PTPRD: variants seen among roughly 807,000 people sequenced by gnomAD.
The protein encoded by PTPRD is protein tyrosine phosphatase receptor type D.
In PTPRD, 34 loss-of-function variants were observed where a neutral mutation model predicts 214.5. The observed-to-expected ratio is 0.16, with a 90% confidence interval of 0.12 to 0.21. PTPRD has a LOEUF of 0.21. PTPRD is among the 10% of genes least tolerant of loss of function. The pLI, the probability that PTPRD is intolerant of heterozygous loss-of-function variation, is 1.00. For synonymous variants in PTPRD, 1,128 were observed against 845.7 expected (o/e 1.33, Z -5.79); for missense variants, 2,545 against 2,398.7 (o/e 1.06, Z -1.27).
At chr9:9,699,819 T>G (rs996919005) in intron 7 of PTPRD, among the ~76,000 whole-genome samples, 1 of 152,136 alleles carries the variant, frequency 6.6e-6, no homozygotes, top group East Asian at 1.9e-4. Flanking sequence ...GAACAATTAG[T>G]CTGTCTAGAA....
intron 3 of PTPRD, among the ~76,000 whole-genome samples, chr9:10,056,724 C>A (rs924714798): frequency 6.6e-6 from 1 of 151,936 alleles, no homozygotes; most frequent in Non-Finnish European, 1.5e-5. Flanking sequence ...ACTTCTCTAC[C>A]GGGAGTCATT....
chr9:9,868,479 A>T (rs530919196), intron 5 of PTPRD, among the ~76,000 whole-genome samples: 2 of 152,232 alleles, frequency 1.3e-5, no homozygotes, highest in Non-Finnish European at 2.9e-5. Context: ...ATTTAAAGAC[A>T]TTGTAGTCAA....
chr9:10,279,686 T>C (rs77425431), intron 3 of PTPRD, among the ~76,000 whole-genome samples: 2 of 150,084 alleles, frequency 1.3e-5, no homozygotes, highest in Non-Finnish European at 2.9e-5. Flanking sequence ...TATGCTAGCT[T>C]ATGAGCATAC....
intron 10 of PTPRD, among the ~76,000 whole-genome samples, chr9:9,105,062 CTATT>C (rs1471903581): frequency 1.3e-5 from 2 of 152,140 alleles, no homozygotes; most frequent in African/African-American, 4.8e-5. Context: ...AATACATATC[CTATT>C]TATTTATGCA....
intron 8 of PTPRD, among the ~76,000 whole-genome samples, chr9:9,482,391 T>C (rs961491338): frequency 2.6e-5 from 4 of 152,216 alleles, no homozygotes; most frequent in African/African-American, 4.8e-5. Context: ...ATGAGCTTTA[T>C]TTTTTAAAGC....
chr9:9,874,083 A>G (rs1436567703), intron 5 of PTPRD, among the ~76,000 whole-genome samples: 1 of 152,148 alleles, frequency 6.6e-6, no homozygotes, highest in African/African-American at 2.4e-5. Context: ...ATTTTAAAGG[A>G]CCTTGCCCTT....
intron 8 of PTPRD, among the ~76,000 whole-genome samples, chr9:9,544,064 T>C (rs2078198807): frequency 6.6e-6 from 1 of 151,618 alleles, no homozygotes; most frequent in African/African-American, 2.4e-5. Flanking sequence ...TCTAAGCTAT[T>C]GCCCATATCT....
At chr9:9,020,083 T>C (rs1465784873) in intron 10 of PTPRD, among the ~76,000 whole-genome samples, 1 of 152,124 alleles carries the variant, frequency 6.6e-6, no homozygotes, top group Non-Finnish European at 1.5e-5. Flanking sequence ...GGGCCATAAA[T>C]AAACTTCTGG....
chr9:8,505,430 G>A (rs2097523468), intron 22 of PTPRD, among the ~76,000 whole-genome samples: 1 of 151,960 alleles, frequency 6.6e-6, no homozygotes, highest in African/African-American at 2.4e-5. Flanking sequence ...AGACCATCCT[G>A]GCTAACATGG....
At chr9:9,923,615 A>G (rs1162697121) in intron 5 of PTPRD, among the ~76,000 whole-genome samples, 1 of 151,982 alleles carries the variant, frequency 6.6e-6, no homozygotes, top group Non-Finnish European at 1.5e-5. Context: ...CAAGTCATCT[A>G]CAAACAAAAA....
At chr9:8,561,509 T>C (rs1564358840) in intron 14 of PTPRD, among the ~76,000 whole-genome samples, 1 of 152,044 alleles carries the variant, frequency 6.6e-6, no homozygotes, top group Non-Finnish European at 1.5e-5. Context: ...TGGGCTAGGG[T>C]GCACCCAGCT....
At chr9:9,495,265 C>T (rs1320777498) in intron 8 of PTPRD, among the ~76,000 whole-genome samples, 1 of 149,396 alleles carries the variant, frequency 6.7e-6, no homozygotes, top group Non-Finnish European at 1.5e-5. Flanking sequence ...CAGAGAAATT[C>T]TAGGCAGACA....
chr9:9,903,204 T>C (rs1479727411), intron 5 of PTPRD, among the ~76,000 whole-genome samples: 2 of 152,264 alleles, frequency 1.3e-5, no homozygotes, highest in Middle Eastern at 3.4e-3. Flanking sequence ...ATTGCATGCA[T>C]ATGAATGAAT....
intron 8 of PTPRD, among the ~76,000 whole-genome samples, chr9:9,538,301 A>C (rs1172744056): frequency 2.0e-5 from 3 of 151,982 alleles, no homozygotes; most frequent in Non-Finnish European, 4.4e-5. Context: ...GCACCAGTTA[A>C]AATTTTCAAA....
At chr9:8,693,581 C>T (rs1398338447) in intron 12 of PTPRD, among the ~76,000 whole-genome samples, 1 of 152,112 alleles carries the variant, frequency 6.6e-6, no homozygotes, top group African/African-American at 2.4e-5. Flanking sequence ...TCATATTCTA[C>T]GAGGGGTGTA....
chr9:10,093,277 G>C (rs183106483), intron 3 of PTPRD, among the ~76,000 whole-genome samples: 1 of 151,526 alleles, frequency 6.6e-6, no homozygotes, highest in African/African-American at 2.4e-5. Flanking sequence ...ATTAAAAAAT[G>C]AGTAAAAGAC....
chr9:10,177,304 G>T lies in PTPRD; in HGVS notation c.-544-143514C>A, dbSNP rs145716020. On this transcript the variant is annotated intron_variant, in intron 3 of 45. Transcript: ENST00000381196. Reference sequence around the variant, plus strand: ...TCAGGGAAGAGAATGATAAATTGAAGATGCCTAATAAATCCAGAGTGGCAC... The same window carrying T: ...TCAGGGAAGAGAATGATAAATTGAATATGCCTAATAAATCCAGAGTGGCAC... Among the ~76,000 whole-genome samples, 192 of 151,786 alleles carry T rather than the reference G, an allele frequency of 1.3e-3. No homozygotes were observed. The Middle Eastern group carries it at 0.037, about 30-fold the overall frequency.
chr9:10,093,907 T>C (rs888723429), intron 3 of PTPRD, among the ~76,000 whole-genome samples: 3 of 151,142 alleles, frequency 2.0e-5, no homozygotes, highest in Admixed American at 6.6e-5. Context: ...AATATAAAGA[T>C]AGGAACAGTA....
At chr9:10,258,406 G>A (rs1385069825) in intron 3 of PTPRD, among the ~76,000 whole-genome samples, 1 of 152,052 alleles carries the variant, frequency 6.6e-6, no homozygotes, top group African/African-American at 2.4e-5. Flanking sequence ...AGAGAACAGA[G>A]GAACATAGGC....
Sources: allele counts gnomAD v4.1 joint callset (sites outside exome capture counted in the v4.1 genomes callset), GRCh38; gene constraint gnomAD v4.1.1; transcripts MANE v1.5; gene names NCBI Gene and HGNC (gene_info 2026-07-23, HGNC 2026-07-21).